ADAM22: variants seen among roughly 807,000 people sequenced by gnomAD.
The protein encoded by ADAM22 is disintegrin and metalloproteinase domain-containing protein 22.
In ADAM22, 65 loss-of-function variants were observed where a neutral mutation model predicts 144.6. The observed-to-expected ratio is 0.45, with a 90% CI of 0.37 to 0.55. The LOEUF (loss-of-function observed/expected upper bound fraction) is 0.55, where lower values mean the gene tolerates loss of function less well. Among genes scored for constraint, ADAM22 ranks in the 20% least tolerant of loss-of-function variants. The pLI is 0.00. For missense variants in ADAM22, 974 were observed against 1,184.9 expected (o/e 0.82, Z 2.61); for synonymous variants, 391 against 412.6 (o/e 0.95, Z 0.63).
intron 3 of ADAM22, among the ~76,000 whole-genome samples, chr7:87,979,345 T>C (rs1852727988): frequency 6.6e-6 from 1 of 152,282 alleles, no homozygotes; most frequent in African/African-American, 2.4e-5. Context: ...GCTGTTTAAA[T>C]TTACATTAAT....
At chr7:88,166,604 C>CTCAA (rs1171425896) in intron 24 of ADAM22, among the ~76,000 whole-genome samples, 2 of 152,048 alleles carry the variant, frequency 1.3e-5, no homozygotes, top group East Asian at 3.9e-4. Context: ...CAAGATAATG[C>CTCAA]TCAAATCCTA....
intron 26 of ADAM22, among the ~76,000 whole-genome samples, chr7:88,176,173 C>T (rs1359278965): frequency 2.0e-5 from 3 of 152,082 alleles, no homozygotes; most frequent in Non-Finnish European, 2.9e-5. Flanking sequence ...TGGGGTTTCA[C>T]CATGTTGGTC....
At chr7:87,974,348 A>G (rs772127179) in intron 2 of ADAM22, among the ~76,000 whole-genome samples, 1 of 151,770 alleles carries the variant, frequency 6.6e-6, no homozygotes, top group Non-Finnish European at 1.5e-5. Context: ...GAAGCACCAT[A>G]TTTCTTCTCT....
At position 88,128,606 on chromosome 7, in the gene ADAM22, G is replaced by C; in HGVS notation, c.683G>C (p.Arg228Pro). The change falls in exon 9 of 32, where the codon CGT becomes CCT. Residue 228 changes from arginine (R) to proline (P), a missense_variant. This residue lies in a region of ADAM22 where 734 missense variants were observed against 950.6 expected (regional missense o/e 0.77). Coordinates refer to ENST00000413139, the MANE Select transcript of ADAM22 (RefSeq NM_001324418.2). ...GTTTCCTTTCCTGTGTTACAGCTTC[G>C]TCGATATCCTCGTAATGTAGAAGAA... ...PRPKRSKRQLRRYPRNVEEET... is the reference protein window; with the variant it reads ...PRPKRSKRQLPRYPRNVEEET... The C allele has an allele frequency of 2.5e-6, 4 of 1,611,130 alleles. No homozygotes were observed. The highest frequency in any genetic ancestry group is 3.4e-6 in the Non-Finnish European group (4 of 1,177,694).
intron 3 of ADAM22, among the ~76,000 whole-genome samples, chr7:88,042,044 C>T (rs1478255326): frequency 6.6e-6 from 1 of 151,976 alleles, no homozygotes; most frequent in African/African-American, 2.4e-5. Flanking sequence ...GCTGGTATTG[C>T]TAAAATTGAT....
At chr7:88,018,720 T>C (rs1244292611) in intron 3 of ADAM22, among the ~76,000 whole-genome samples, 2 of 152,234 alleles carry the variant, frequency 1.3e-5, no homozygotes, top group African/African-American at 2.4e-5. Flanking sequence ...TTACTGCTTA[T>C]GGCACACAAA....
chr7:87,973,740 A>C (rs916286750), intron 2 of ADAM22, among the ~76,000 whole-genome samples: 5 of 152,224 alleles, frequency 3.3e-5, no homozygotes, highest in South Asian at 2.1e-4. Flanking sequence ...CATATACACC[A>C]TGGAATACTA....
intron 4 of ADAM22, among the ~76,000 whole-genome samples, chr7:88,101,233 T>G (rs1822835593): frequency 6.6e-6 from 1 of 151,798 alleles, no homozygotes; most frequent in African/African-American, 2.4e-5. Context: ...GCAACTACTG[T>G]GCTAGGGTGG....
At chr7:88,035,748 A>G (rs1563073870) in intron 3 of ADAM22, among the ~76,000 whole-genome samples, 1 of 152,220 alleles carries the variant, frequency 6.6e-6, no homozygotes, top group Non-Finnish European at 1.5e-5. Flanking sequence ...ACCATTTTAT[A>G]TAACAGACTT....
chr7:87,958,712 G>T (rs1315126025), intron 2 of ADAM22, among the ~76,000 whole-genome samples: 2 of 152,054 alleles, frequency 1.3e-5, no homozygotes, highest in East Asian at 1.9e-4. Context: ...AATATTGTGG[G>T]TATGAGATGG....
intron 3 of ADAM22, among the ~76,000 whole-genome samples, chr7:88,020,738 A>C (rs1797648488): frequency 1.3e-5 from 2 of 152,112 alleles, no homozygotes; most frequent in South Asian, 4.2e-4. Context: ...TAGAATTTTA[A>C]ATTTTATGTA....
chr7:88,020,680 C>T (rs999295642), intron 3 of ADAM22, among the ~76,000 whole-genome samples: 10 of 152,310 alleles, frequency 6.6e-5, no homozygotes, highest in Admixed American at 5.2e-4. Flanking sequence ...TAGGCCCAGG[C>T]AGTCCCTGAG....
intron 2 of ADAM22, among the ~76,000 whole-genome samples, chr7:87,953,471 C>G (rs1193205503): frequency 6.6e-6 from 1 of 152,112 alleles, no homozygotes; most frequent in Admixed American, 6.5e-5. Context: ...TTTCTTAATC[C>G]TGAGTTCTAG....
chr7:88,187,914 A>C (rs1848672618), intron 30 of ADAM22, among the ~76,000 whole-genome samples: 1 of 151,838 alleles, frequency 6.6e-6, no homozygotes, highest in Admixed American at 6.6e-5. Context: ...TCCTGCTTTT[A>C]TACCCCATCT....
intron 2 of ADAM22, among the ~76,000 whole-genome samples, chr7:87,955,273 T>C (rs1846364753): frequency 6.6e-6 from 1 of 152,192 alleles, no homozygotes; most frequent in Non-Finnish European, 1.5e-5. Context: ...TTTTATCTAC[T>C]TTTGGTCTTT....
intron 2 of ADAM22, among the ~76,000 whole-genome samples, chr7:87,963,851 A>G (rs1035305384): frequency 2.0e-5 from 3 of 152,182 alleles, no homozygotes; most frequent in African/African-American, 7.2e-5. Context: ...TGAGCCTTTG[A>G]TATGAAATTG....
intron 3 of ADAM22, among the ~76,000 whole-genome samples, chr7:88,036,214 A>G (rs190938687): frequency 6.6e-6 from 1 of 152,214 alleles, no homozygotes; most frequent in East Asian, 1.9e-4. Flanking sequence ...ATAATCCTTC[A>G]TTTTTCTTTT....
chr7:88,190,428 G>A (rs1849361782), intron 30 of ADAM22, among the ~76,000 whole-genome samples: 1 of 152,076 alleles, frequency 6.6e-6, no homozygotes, highest in South Asian at 2.1e-4. Flanking sequence ...CCAGCTACTC[G>A]GGAGGCTGAG....
At chr7:88,123,877 G>A (rs535464396) in intron 7 of ADAM22, among the ~76,000 whole-genome samples, 1 of 151,934 alleles carries the variant, frequency 6.6e-6, no homozygotes, top group African/African-American at 2.4e-5. Flanking sequence ...GGATTATTTA[G>A]AAATGTAGAG....
Sources: gnomAD v4.1 joint callset for allele counts (sites outside exome capture counted in the v4.1 genomes callset) on GRCh38, gnomAD v4.1.1 for gene constraint, gnomAD v4.1.1 regional missense constraint, MANE v1.5 for transcripts, NCBI Gene and HGNC (gene_info 2026-07-23, HGNC 2026-07-21) for gene names.